OLFM2: variants seen among roughly 807,000 people sequenced by gnomAD.
OLFM2 encodes noelin-2.
A neutral mutation model predicts 43.9 loss-of-function variants in OLFM2; 20 were observed. The observed-to-expected ratio is 0.46, with a 90% CI of 0.32 to 0.66. The LOEUF (loss-of-function observed/expected upper bound fraction) is 0.66, where lower values mean the gene tolerates loss of function less well. Ranked by LOEUF, OLFM2 falls within the 30% of genes least tolerant of loss-of-function variation. The pLI is 0.04. For synonymous variants in OLFM2, 268 were observed against 278.6 expected, an observed-to-expected ratio of 0.96 and a Z score of 0.38; for missense variants, 416 against 643.6, an observed-to-expected ratio of 0.65 and a Z score of 3.83.
At chr19:9,865,460 A>G (rs1485157794) in intron 1 of OLFM2, among the ~76,000 whole-genome samples, 2 of 139,048 alleles carry the variant, frequency 1.4e-5, no homozygotes, top group African/African-American at 2.7e-5. Context: ...ACAAGGCATG[A>G]GTCACTGTTA....
At chr19:9,865,806 A>G in intron 1 of OLFM2, among the ~76,000 whole-genome samples, 1 of 146,374 alleles carries the variant, frequency 6.8e-6, no homozygotes, top group African/African-American at 2.5e-5. Context: ...CTTCTTGATA[A>G]ATCTCATTCT....
intron 1 of OLFM2, among the ~76,000 whole-genome samples, chr19:9,912,017 C>A (rs2046831177): frequency 6.6e-6 from 1 of 152,126 alleles, no homozygotes; most frequent in Non-Finnish European, 1.5e-5. Context: ...CAGGGACACA[C>A]CCACACTCAT....
intron 1 of OLFM2, chr19:9,913,820 C>A: frequency 2.7e-6 from 1 of 364,964 alleles, no homozygotes; most frequent in Non-Finnish European, 3.8e-6. Context: ...CTGGCGGGCT[C>A]CTCTTATAAA....
chr19:9,889,324 A>G (rs1001720521), intron 1 of OLFM2, among the ~76,000 whole-genome samples: 2 of 151,922 alleles, frequency 1.3e-5, no homozygotes, highest in African/African-American at 4.8e-5. Context: ...ATCACAGCAC[A>G]CACAGTGTCA....
At chr19:9,936,029 CG>C (rs942141205) in intron 1 of OLFM2, among the ~76,000 whole-genome samples, 4 of 152,028 alleles carry the variant, frequency 2.6e-5, no homozygotes, top group African/African-American at 9.7e-5. Flanking sequence ...AGCGAGATGG[CG>C]GGGTGGGGGC....
intron 1 of OLFM2, among the ~76,000 whole-genome samples, chr19:9,935,727 C>T (rs1238064964): frequency 6.6e-6 from 1 of 152,074 alleles, no homozygotes; most frequent in Non-Finnish European, 1.5e-5. Flanking sequence ...CACCCCAACT[C>T]GGGCACTAGT....
Position 9,854,628 on chromosome 19 carries a change from C to A in OLFM2, c.923G>T (p.Gly308Val), listed in dbSNP as rs1267764299. ...VLVQRSLPGA[G>V]YNNTFPYSWG... ...GGAGTAGGGGAAGGTGTTGTTGTAA[C>A]CGGCGCCCGGGAGGCTCCTCTGCAC... The change falls in exon 6 of 6, where the codon GGT becomes GTT. Residue 308 changes from glycine (G) to valine (V), a missense_variant. Coordinates refer to ENST00000264833, the MANE Select transcript of OLFM2 (RefSeq NM_058164.4). The surrounding 1 kb of genome is among the most constrained non-coding windows in gnomAD (Gnocchi z 9.5). 1 of 1,614,174 alleles carries A rather than the reference C, an allele frequency of 6.2e-7. No individual in the cohort carries two copies. The highest frequency in any genetic ancestry group is 8.5e-7 in the Non-Finnish European group (1 of 1,180,006).
intron 1 of OLFM2, among the ~76,000 whole-genome samples, chr19:9,929,063 A>G (rs979075420): frequency 6.6e-5 from 10 of 152,122 alleles, no homozygotes; most frequent in Non-Finnish European, 1.5e-4. Context: ...AAAGAAAAAA[A>G]GAGATAGAAT....
At chr19:9,890,200 C>G (rs7245579) in intron 1 of OLFM2, among the ~76,000 whole-genome samples, 54,190 of 152,110 alleles carry the variant, frequency 0.36, 11,905 homozygotes, top group Admixed American at 0.52. Context: ...TTCTTCTTCC[C>G]CAGTGTCTGT....
Position 9,857,662 on chromosome 19 carries a change from T to C in OLFM2, c.360+53A>G. On this transcript the variant is annotated intron_variant, in intron 3 of 5. Coordinates refer to ENST00000264833, the MANE Select transcript of OLFM2 (RefSeq NM_058164.4). This position sits in a 1 kb window ranked among gnomAD's most constrained non-coding sequence, Gnocchi z 5.7. ...TGACTCCATTGTAGGAACTAATGGA[T>C]ACCAAATCCCAGTCATTTGTTTGAC... 1 of 1,612,728 alleles carries C rather than the reference T, an allele frequency of 6.2e-7. No homozygotes were observed. Among genetic ancestry groups the C allele is most frequent in the Non-Finnish European group, 8.5e-7 (1 of 1,178,854 alleles).
In OLFM2 at chr19:9,869,286, G is replaced by A. The variant is rs533052746; in HGVS notation, c.64-8492C>T. ...CACGTGATGTCACCAGCATCTCTCC[G>A]GGCAATATCCTTACGATAGAAGTGA... On this transcript the variant is annotated intron_variant, in intron 1 of 5. Coordinates refer to ENST00000264833, the MANE Select transcript of OLFM2 (RefSeq NM_058164.4). Among the ~76,000 whole-genome samples, 26 of 152,232 alleles carry A rather than the reference G, an allele frequency of 1.7e-4. No individual in the cohort carries two copies. The East Asian group carries it at 3.3e-3, about 19-fold the overall frequency.
At chr19:9,923,567 AAAAG>A (rs1482662751) in intron 1 of OLFM2, among the ~76,000 whole-genome samples, 211 of 151,286 alleles carry the variant, frequency 1.4e-3, no homozygotes, top group African/African-American at 4.8e-3. Flanking sequence ...GAAAAAAAAA[AAAAG>A]AAAGAAAAGA....
chr19:9,867,827 G>T (rs930170947), intron 1 of OLFM2, among the ~76,000 whole-genome samples: 2 of 152,142 alleles, frequency 1.3e-5, no homozygotes, highest in African/African-American at 2.4e-5. Context: ...TGTTGCAAGG[G>T]AGGTTCATTA....
rs1183251991 is a variant in OLFM2 at position 9,856,038 on chromosome 19, T to G, written c.687+769A>C. Among the ~76,000 whole-genome samples the G allele has an allele frequency of 1.3e-5, 2 of 152,198 alleles. No individual in the cohort carries two copies. Among genetic ancestry groups the G allele is most frequent in the Non-Finnish European group, 2.9e-5 (2 of 68,036 alleles). The stretch of plus-strand genomic sequence containing the variant: ...TTAACTAACCCCTGTCACCATGAGG[T>G]GACCAGGCGTGTCATCAACATCATT... On this transcript the variant is annotated intron_variant, in intron 5 of 5. Coordinates refer to ENST00000264833, the MANE Select transcript of OLFM2 (RefSeq NM_058164.4). The surrounding 1 kb of genome is among the most constrained non-coding windows in gnomAD (Gnocchi z 4.0).
At chr19:9,879,172 CTT>C (rs545616105) in intron 1 of OLFM2, among the ~76,000 whole-genome samples, 5 of 152,104 alleles carry the variant, frequency 3.3e-5, no homozygotes, top group South Asian at 2.1e-4. Flanking sequence ...CAGTTTCACT[CTT>C]GTTACCCAGG....
intron 1 of OLFM2, among the ~76,000 whole-genome samples, chr19:9,933,955 G>C (rs1355403120): frequency 6.6e-6 from 1 of 152,142 alleles, no homozygotes; most frequent in African/African-American, 2.4e-5. Context: ...TGGTTATTCG[G>C]CTCTTTTCTG....
chr19:9,915,136 G>A (rs1033129746), intron 1 of OLFM2, among the ~76,000 whole-genome samples: 2 of 152,152 alleles, frequency 1.3e-5, no homozygotes, highest in Admixed American at 6.5e-5. Context: ...GTCATCCTGA[G>A]AATCAGGTAA....
intron 1 of OLFM2, among the ~76,000 whole-genome samples, chr19:9,902,205 T>C (rs908775626): frequency 6.0e-5 from 9 of 151,244 alleles, no homozygotes; most frequent in African/African-American, 1.9e-4. Flanking sequence ...ATTTTTTGTA[T>C]TTTTAGTAGA....
chr19:9,854,670 C>T lies in OLFM2; in HGVS notation c.881G>A (p.Arg294His), dbSNP rs867803228. 47 of 1,614,090 alleles carry T rather than the reference C, an allele frequency of 2.9e-5. 1 individual carries two copies. Among genetic ancestry groups the T allele is most frequent in the Middle Eastern group, 1.6e-4 (1 of 6,084 alleles). ...CCTCTGCACCAGCACAGAGCGCGAG[C>T]GGAAGTGGTATTTGACCACCACGTT... ...QSNVVVKYHFRSRSVLVQRSL... is the reference protein window; with the variant it reads ...QSNVVVKYHFHSRSVLVQRSL... Residue 294 changes from arginine (R) to histidine (H), a missense_variant, in exon 6 of 6, where the codon CGC becomes CAC. Physicochemically the swap from Arg to His is conservative, Grantham distance 29. Coordinates refer to ENST00000264833, the MANE Select transcript of OLFM2 (RefSeq NM_058164.4). This position sits in a 1 kb window ranked among gnomAD's most constrained non-coding sequence, Gnocchi z 9.5.
Sources: gnomAD v4.1 joint callset for allele counts (sites outside exome capture counted in the v4.1 genomes callset) on GRCh38, gnomAD v4.1.1 for gene constraint, Gnocchi (gnomAD v3.1) non-coding constraint, MANE v1.5 for transcripts, NCBI Gene and HGNC (gene_info 2026-07-23, HGNC 2026-07-21) for gene names.